Variants in SCD5 observed in about 807,000 individuals in gnomAD.
The protein encoded by SCD5 is stearoyl-CoA desaturase 5.
In SCD5, 20 loss-of-function variants were observed where a neutral mutation model predicts 30.4. The ratio of observed to expected loss-of-function variants is 0.66; its 90% CI spans 0.46 to 0.96. The LOEUF is 0.96. SCD5 is among the 40% of genes least tolerant of loss of function. The probability of loss-of-function intolerance (pLI) is 0.00; values close to 1 mark genes in which losing one functional copy is unlikely to be tolerated. For synonymous variants in SCD5, 173 were observed against 176.4 expected, an observed-to-expected ratio of 0.98 and a Z score of 0.16; for missense variants, 381 against 443.3, an observed-to-expected ratio of 0.86 and a Z score of 1.26.
intron 1 of SCD5, among the ~76,000 whole-genome samples, chr4:82,739,764 C>T (rs983146842): frequency 4.6e-5 from 7 of 152,214 alleles, no homozygotes; most frequent in African/African-American, 1.7e-4. Flanking sequence ...CCATGCTGAT[C>T]GTGAAAAGCC....
intron 1 of SCD5, among the ~76,000 whole-genome samples, chr4:82,778,721 C>T (rs1721806016): frequency 6.6e-6 from 1 of 152,206 alleles, no homozygotes; most frequent in Non-Finnish European, 1.5e-5. Context: ...GGAACCAATG[C>T]AGGTTAGTTT....
chr4:82,741,174 A>T (rs1258179642), intron 1 of SCD5, among the ~76,000 whole-genome samples: 1 of 151,532 alleles, frequency 6.6e-6, no homozygotes, highest in Non-Finnish European at 1.5e-5. Context: ...CCTGGGCCCA[A>T]GCAATCTGCC....
At position 82,657,586 on chromosome 4, in the gene SCD5, T is replaced by A. The variant is rs185343753; in HGVS notation, c.570-20763A>T. ...AGGATTGTCTTGGTTATACAGGCTCTTTTTTGGTTCCATATGAAATTTAAA... is the reference window on the plus strand; with the variant it reads ...AGGATTGTCTTGGTTATACAGGCTCATTTTTGGTTCCATATGAAATTTAAA... On this transcript the variant is annotated intron_variant, in intron 3 of 4. Transcript: ENST00000319540. Among the ~76,000 whole-genome samples, 32 of 152,332 alleles carry A rather than the reference T, an allele frequency of 2.1e-4. No individual in the cohort carries two copies. The East Asian group carries it at 6.2e-3, about 29-fold the overall frequency.
In SCD5 at chr4:82,631,268, G is replaced by A. The variant is rs1727285459; in HGVS notation, c.*59C>T. 1.3e-6 allele frequency: 2 copies of A among 1,486,184 alleles called. No homozygotes were observed. The highest frequency in any genetic ancestry group is 1.2e-5 in the South Asian group (1 of 81,012). The allele number at this position is 1,486,184 out of a possible 1,614,324, so 92.1% of individuals were successfully genotyped here. ...CGATCCAATGTACAAGAGAGCTATT[G>A]TAACCAAAGCCATGAACCGAGGTTG... On this transcript the variant is annotated 3_prime_UTR_variant, in exon 5 of 5. Transcript: ENST00000319540.
chr4:82,684,711 A>G (rs1044400397), intron 2 of SCD5, among the ~76,000 whole-genome samples: 4 of 152,106 alleles, frequency 2.6e-5, no homozygotes, highest in Admixed American at 6.5e-5. Flanking sequence ...ATGGAGATCA[A>G]CTGTACTGGA....
intron 1 of SCD5, among the ~76,000 whole-genome samples, chr4:82,727,068 C>T (rs79595045): frequency 6.6e-6 from 1 of 152,112 alleles, no homozygotes; most frequent in African/African-American, 2.4e-5. Context: ...GAAAAGTCCA[C>T]CCCATCTCAC....
At chr4:82,674,341 C>A (rs1287307690) in intron 3 of SCD5, among the ~76,000 whole-genome samples, 2 of 152,114 alleles carry the variant, frequency 1.3e-5, no homozygotes, top group Non-Finnish European at 2.9e-5. Context: ...AAGATCTTGA[C>A]AAACATCTTA....
Position 82,669,219 on chromosome 4 carries a change from T to C in SCD5, c.569+11488A>G, listed in dbSNP as rs1728253987. On this transcript the variant is annotated intron_variant, in intron 3 of 4. Transcript: ENST00000319540. ...AGCAAAGATGAGTCAAAAATTGTTTTGTCTAACCACCCTGCCCTGGATAGA... is the reference window on the plus strand; with the variant it reads ...AGCAAAGATGAGTCAAAAATTGTTTCGTCTAACCACCCTGCCCTGGATAGA... 2.6e-5 allele frequency among the ~76,000 whole-genome samples: 4 copies of C among 152,090 alleles called. No homozygotes were observed. The South Asian group carries it at 8.3e-4, about 32-fold the overall frequency.
chr4:82,661,354 C>T (rs997529987), intron 3 of SCD5, among the ~76,000 whole-genome samples: 9 of 152,202 alleles, frequency 5.9e-5, no homozygotes, highest in Non-Finnish European at 1.5e-5. Flanking sequence ...GAACAGCTAT[C>T]AACAAATTCA....
At chr4:82,788,038 C>T (rs1197434071) in intron 1 of SCD5, among the ~76,000 whole-genome samples, 1 of 151,994 alleles carries the variant, frequency 6.6e-6, no homozygotes, top group African/African-American at 2.4e-5. Flanking sequence ...CCCTGTCAGA[C>T]AATCAATCAA....
At chr4:82,772,138 G>A (rs2148848826) in intron 1 of SCD5, among the ~76,000 whole-genome samples, 1 of 152,298 alleles carries the variant, frequency 6.6e-6, no homozygotes, top group South Asian at 2.1e-4. Context: ...GTGAGTTGAG[G>A]GAAAGAAAGG....
At chr4:82,709,415 T>C (rs1428533724) in intron 1 of SCD5, among the ~76,000 whole-genome samples, 1 of 152,180 alleles carries the variant, frequency 6.6e-6, no homozygotes, top group Admixed American at 6.5e-5. Context: ...GTAAGTTACT[T>C]GCTATATAAT....
chr4:82,673,466 G>A lies in SCD5; in HGVS notation c.569+7241C>T, dbSNP rs376860217. Among the ~76,000 whole-genome samples, 9 of 152,146 alleles carry A rather than the reference G, an allele frequency of 5.9e-5. No individual in the cohort carries two copies. In the South Asian group the frequency reaches 8.3e-4, roughly 14 times the overall value. On this transcript the variant is annotated intron_variant, in intron 3 of 4. Transcript: ENST00000319540. Reference sequence around the variant, plus strand: ...AATCTAACAAAACATGTACAAGATCGGTATGAGGAAGATCATAAAACACTG... The same window carrying A: ...AATCTAACAAAACATGTACAAGATCAGTATGAGGAAGATCATAAAACACTG...
intron 1 of SCD5, among the ~76,000 whole-genome samples, chr4:82,708,184 T>C (rs2148828275): frequency 6.6e-6 from 1 of 152,288 alleles, no homozygotes; most frequent in South Asian, 2.1e-4. Flanking sequence ...ATTCTGCAAA[T>C]ATACTAAAAA....
chr4:82,751,417 A>T (rs771343378), intron 1 of SCD5, among the ~76,000 whole-genome samples: 14 of 152,192 alleles, frequency 9.2e-5, no homozygotes, highest in Non-Finnish European at 1.9e-4. Flanking sequence ...GGGGACATTT[A>T]CATTGGGCCT....
chr4:82,705,191 AG>A (rs981440667), intron 2 of SCD5, 91 bp downstream of exon 2: 1 of 1,495,164 alleles, frequency 6.7e-7, no homozygotes, highest in East Asian at 2.3e-5. Context: ...AGTCTAGGAC[AG>A]GGGTGGAGGG....
intron 1 of SCD5, among the ~76,000 whole-genome samples, chr4:82,709,794 C>G (rs189705947): frequency 7.2e-5 from 11 of 152,324 alleles, no homozygotes; most frequent in Admixed American, 7.2e-4. Context: ...TTCACAATAG[C>G]CAGAAGGCAG....
chr4:82,745,403 G>A lies in SCD5; in HGVS notation c.233-39990C>T, dbSNP rs548903186. On this transcript the variant is annotated intron_variant, in intron 1 of 4. Transcript: ENST00000319540. ...AAGCAGTGACTTGCTGGGTGAGCACGGCTCAGAACAAGGAGAGACATGAAT... is the reference window on the plus strand; with the variant it reads ...AAGCAGTGACTTGCTGGGTGAGCACAGCTCAGAACAAGGAGAGACATGAAT... Among the ~76,000 whole-genome samples the A allele has an allele frequency of 7.2e-4, 110 of 152,314 alleles. 3 individuals carry two copies. In the South Asian group the frequency reaches 8.1e-3, roughly 11 times the overall value.
At chr4:82,716,259 T>A (rs1312363939) in intron 1 of SCD5, among the ~76,000 whole-genome samples, 1 of 151,732 alleles carries the variant, frequency 6.6e-6, no homozygotes, top group Non-Finnish European at 1.5e-5. Context: ...GAATGTCAGC[T>A]CCTTCCACAC....
Sources: allele counts gnomAD v4.1 joint callset (sites outside exome capture counted in the v4.1 genomes callset), GRCh38; gene constraint gnomAD v4.1.1; transcripts MANE v1.5; gene names NCBI Gene and HGNC (gene_info 2026-07-23, HGNC 2026-07-21).